Variants in KDR observed in about 807,000 individuals in gnomAD.
The protein encoded by KDR is vascular endothelial growth factor receptor 2.
KDR carries 43 observed loss-of-function variants against 160.9 expected under a neutral mutation model. That is an observed-to-expected ratio of 0.27 (90% CI 0.21 to 0.34). The LOEUF (loss-of-function observed/expected upper bound fraction) is 0.34. KDR is among the 10% of genes least tolerant of loss of function. The pLI, the probability that KDR is intolerant of heterozygous loss-of-function variation, is 1.00. For missense variants in KDR, 1,469 were observed against 1,666.4 expected (o/e 0.88, Z 2.06); for synonymous variants, 617 against 600.1 (o/e 1.03, Z -0.41).
intron 29 of KDR, among the ~76,000 whole-genome samples, chr4:55,081,716 C>T (rs991458883): frequency 5.3e-5 from 8 of 152,142 alleles, no homozygotes; most frequent in African/African-American, 1.9e-4. Context: ...CAGAAATTCC[C>T]TAGTATTCAT....
At position 55,125,267 on chromosome 4, in the gene KDR, G is replaced by A. The variant is rs1490446016; in HGVS notation, c.27C>T (p.Val9=). The change falls in exon 1 of 30, where the codon GTC becomes GTT. Residue 9 remains valine (V), a synonymous_variant. Transcript: ENST00000263923. The part of the protein sequence containing the change: MQSKVLLA[V]ALWLCVETRA... ...GGGTCTCCACGCAGAGCCACAGGGC[G>A]ACGGCCAGCAGCACCTTGCTCTGCA... is the stretch of plus-strand genomic sequence containing the variant. The A allele has an allele frequency of 3.7e-6, 6 of 1,612,814 alleles. No homozygotes were observed. The highest frequency in any genetic ancestry group is 1.3e-5 in the African/African-American group (1 of 74,916).
chr4:55,119,131 C>G (rs1229637190), intron 2 of KDR, among the ~76,000 whole-genome samples: 5 of 151,998 alleles, frequency 3.3e-5, no homozygotes, highest in Non-Finnish European at 5.9e-5. Flanking sequence ...ATTGCTTGAA[C>G]CCGGGAGGTG....
At position 55,110,339 on chromosome 4, in the gene KDR, G is replaced by C. The variant is rs1021160640; in HGVS notation, c.1255+64C>G. On this transcript the variant is annotated intron_variant, in intron 9 of 29. Transcript: ENST00000263923. The stretch of plus-strand genomic sequence containing the variant: ...CAGGAGGCAGAGGAACGGTGGTTTG[G>C]CTGATTTGGAAGACAATGTATCATA... 6 of 1,540,262 alleles carry C rather than the reference G, an allele frequency of 3.9e-6. No individual in the cohort carries two copies. In the African/African-American group the frequency reaches 4.1e-5, roughly 10 times the overall value.
intron 10 of KDR, 147 bp downstream of exon 10, chr4:55,107,590 A>C: frequency 1.1e-6 from 1 of 923,950 alleles, no homozygotes; most frequent in Non-Finnish European, 1.7e-6. Flanking sequence ...TGTAAGACAC[A>C]GAGAAAGATG....
rs1256566758 is a variant in KDR at position 55,087,691 on chromosome 4, G to A, written c.3578C>T (p.Ser1193Phe). 6.2e-7 allele frequency: 1 copy of A among 1,613,956 alleles called. No homozygotes were observed. Among genetic ancestry groups the A allele is most frequent in the Non-Finnish European group, 8.5e-7 (1 of 1,179,896 alleles). ...TLSMEEDSGL[S>F]LPTSPVSCME... is the part of the protein sequence containing the mutation. ...ACAGGAAACAGGTGAGGTAGGCAGA[G>A]AGAGTCCAGAATCCTCTTCCATGCT... The change falls in exon 27 of 30, where the codon TCT becomes TTT. Residue 1193 changes from serine to phenylalanine, a missense_variant. Transcript: ENST00000263923.
At position 55,102,413 on chromosome 4, in the gene KDR, G is replaced by T. The variant is rs767881241; in HGVS notation, c.2083C>A (p.Pro695Thr). 3.3e-5 allele frequency: 54 copies of T among 1,613,484 alleles called. No individual in the cohort carries two copies. Among genetic ancestry groups the T allele is most frequent in the Non-Finnish European group, 4.4e-5 (52 of 1,179,510 alleles). Residue 695 changes from proline (P) to threonine (T), a missense_variant, in exon 14 of 30, where the codon CCT (proline) becomes ACT (threonine). Pro to Thr is a conservative substitution (Grantham distance 38, BLOSUM62 -1). This residue lies in a region of KDR where 39 missense variants were observed against 72.1 expected (regional missense o/e 0.54). Transcript: ENST00000263923. Reference protein sequence around the residue: ...EVSCTASGNPPPQIMWFKDNE... With the variant: ...EVSCTASGNPTPQIMWFKDNE... ...TCTTTAAACCACATGATCTGTGGAG[G>T]GGGATTCCCAGATGCCGTGCATGAG...
At chr4:55,083,483 C>A (rs1719785730) in intron 27 of KDR, among the ~76,000 whole-genome samples, 1 of 152,150 alleles carries the variant, frequency 6.6e-6, no homozygotes, top group African/African-American at 2.4e-5. Flanking sequence ...TCTCCTTTGA[C>A]TTCCAAAGCT....
chr4:55,091,948 T>G (rs1440741504), intron 22 of KDR, among the ~76,000 whole-genome samples: 2 of 152,192 alleles, frequency 1.3e-5, no homozygotes, highest in Non-Finnish European at 2.9e-5. Flanking sequence ...TTTTAGCTCT[T>G]TTAATCGCTC....
chr4:55,114,115 A>T lies in KDR; in HGVS notation c.798+11T>A, dbSNP rs776255031. 3 of 1,613,902 alleles carry T rather than the reference A, an allele frequency of 1.9e-6. No individual in the cohort carries two copies. The highest frequency in any genetic ancestry group is 2.5e-6 in the Non-Finnish European group (3 of 1,179,822). ...GTATTTGGAGGTCTGGCTTTGAATCATTAGCGTTACCTTCGAAGAAGGGTA... is the reference window on the plus strand; with the variant it reads ...GTATTTGGAGGTCTGGCTTTGAATCTTTAGCGTTACCTTCGAAGAAGGGTA... On this transcript the variant is annotated intron_variant, in intron 6 of 29. Transcript: ENST00000263923.
chr4:55,079,003 T>C lies in KDR; in HGVS notation c.*938A>G, dbSNP rs76153171. On this transcript the variant is annotated 3_prime_UTR_variant, in exon 30 of 30. Transcript: ENST00000263923. ...CTTTGACACCACACACAGCTTCACA[T>C]TGAACCTCCCGCATTCAGTCTCAGA... 8.6e-6 allele frequency: 2 copies of C among 233,174 alleles called. No homozygotes were observed. Among genetic ancestry groups the C allele is most frequent in the Non-Finnish European group, 1.7e-5 (2 of 118,070 alleles). 14.4% of individuals were successfully genotyped at this position (233,174 alleles called of 1,614,324 possible).
intron 6 of KDR, 49 bp from the exon 7 acceptor site, chr4:55,113,530 C>T (rs758253197): frequency 1.3e-6 from 2 of 1,511,484 alleles, no homozygotes; most frequent in Middle Eastern, 1.7e-4. Context: ...TATAACATTA[C>T]CCAATAACTT....
intron 13 of KDR, among the ~76,000 whole-genome samples, 177 bp from the exon 14 acceptor site, chr4:55,102,685 C>G (rs1720344991): frequency 1.3e-5 from 2 of 152,212 alleles, no homozygotes; most frequent in South Asian, 4.1e-4. Flanking sequence ...AGTCAGGACA[C>G]TGCAAACAGA....
At chr4:55,116,390 C>T (rs555644876) in intron 3 of KDR, among the ~76,000 whole-genome samples, 5 of 144,974 alleles carry the variant, frequency 3.4e-5, no homozygotes, top group African/African-American at 1.3e-4. Context: ...GCACTTTAGC[C>T]TGGGCAACAA....
intron 1 of KDR, among the ~76,000 whole-genome samples, chr4:55,122,236 G>A (rs1436952971): frequency 6.6e-6 from 1 of 152,118 alleles, no homozygotes; most frequent in Non-Finnish European, 1.5e-5. Flanking sequence ...TGAATTCTCT[G>A]TCAACTAAAT....
At chr4:55,097,035 C>T (rs1188981023) in intron 18 of KDR, among the ~76,000 whole-genome samples, 7 of 152,124 alleles carry the variant, frequency 4.6e-5, no homozygotes, top group Non-Finnish European at 8.8e-5. Context: ...ATTGGCACTG[C>T]CTTCATCAAT....
intron 9 of KDR, among the ~76,000 whole-genome samples, chr4:55,109,510 C>T (rs1720521852): frequency 6.6e-6 from 1 of 152,012 alleles, no homozygotes; most frequent in Non-Finnish European, 1.5e-5. Flanking sequence ...ATATGCCGTA[C>T]CAGAAGGGGG....
At chr4:55,092,529 C>A (rs1720044162) in intron 22 of KDR, 88 bp downstream of exon 22, 2 of 944,216 alleles carry the variant, frequency 2.1e-6, no homozygotes, top group Admixed American at 3.6e-5. Flanking sequence ...ATTACAATCC[C>A]AAACAAGCAC....
intron 29 of KDR, 63 bp from the exon 30 acceptor site, chr4:55,080,226 C>T (rs1719698015): frequency 1.4e-6 from 2 of 1,470,568 alleles, no homozygotes; most frequent in Non-Finnish European, 1.9e-6. Context: ...GCTTTTTACC[C>T]TCACCCCATT....
intron 3 of KDR, among the ~76,000 whole-genome samples, chr4:55,117,301 G>A (rs1720760496): frequency 6.6e-6 from 1 of 152,180 alleles, no homozygotes; most frequent in African/African-American, 2.4e-5. Context: ...AATGAGATAT[G>A]GGGGATGTTC....
Sources: allele counts gnomAD v4.1 joint callset (sites outside exome capture counted in the v4.1 genomes callset), GRCh38; gene constraint gnomAD v4.1.1; regional missense constraint gnomAD v4.1.1; transcripts MANE v1.5; gene names NCBI Gene and HGNC (gene_info 2026-07-23, HGNC 2026-07-21).